The following PJA2 variants were observed in gnomAD, a reference collection of about 807,000 sequenced individuals.
PJA2 encodes E3 ubiquitin-protein ligase Praja-2.
PJA2 carries 25 observed loss-of-function variants against 69.3 expected under a neutral mutation model. The ratio of observed to expected loss-of-function variants is 0.36; its 90% CI spans 0.26 to 0.50. The LOEUF (loss-of-function observed/expected upper bound fraction) is 0.50, where lower values mean the gene tolerates loss of function less well. PJA2 is among the 20% of genes least tolerant of loss of function. The pLI is 0.96. For missense variants in PJA2, 809 were observed against 830.2 expected (o/e 0.97, Z 0.31); for synonymous variants, 308 against 277.8 (o/e 1.11, Z -1.08).
At chr5:109,357,162 C>T (rs1281344623) in intron 6 of PJA2, among the ~76,000 whole-genome samples, 1 of 152,136 alleles carries the variant, frequency 6.6e-6, no homozygotes, top group African/African-American at 2.4e-5. Context: ...TCTGGGGGCA[C>T]CCTGAGTAGA....
intron 4 of PJA2, among the ~76,000 whole-genome samples, chr5:109,372,213 T>C (rs1272933652): frequency 2.0e-5 from 3 of 152,148 alleles, no homozygotes; most frequent in African/African-American, 7.2e-5. Flanking sequence ...TAGTGACCTA[T>C]AGAATAAAAA....
chr5:109,392,261 T>C (rs181743726), intron 1 of PJA2, among the ~76,000 whole-genome samples: 157 of 151,874 alleles, frequency 1.0e-3, no homozygotes, highest in Non-Finnish European at 2.0e-3. Flanking sequence ...TGGAATAGGA[T>C]AGAAAAAGTG....
chr5:109,344,492 G>T (rs1762141396), intron 8 of PJA2, among the ~76,000 whole-genome samples, 181 bp from the exon 9 acceptor site: 1 of 152,168 alleles, frequency 6.6e-6, no homozygotes, highest in African/African-American at 2.4e-5. Flanking sequence ...ATACTGCTTT[G>T]TAAAAAAGCT....
intron 3 of PJA2, 93 bp downstream of exon 3, chr5:109,381,410 C>A: frequency 3.4e-6 from 3 of 893,164 alleles, no homozygotes; most frequent in Non-Finnish European, 5.2e-6. Flanking sequence ...CATTTACACT[C>A]ACAGACATGC....
At chr5:109,370,032 CAA>C (rs1168528650) in intron 4 of PJA2, among the ~76,000 whole-genome samples, 13 of 49,078 alleles carry the variant, frequency 2.6e-4, no homozygotes, top group East Asian at 6.3e-4. Flanking sequence ...AACTCCCTCT[CAA>C]AAAAAAAAAA....
rs755158440 is a variant in PJA2, at chr5:109,368,689, T to G, written c.1341A>C (p.Thr447=). 6.2e-7 allele frequency: 1 copy of G among 1,614,190 alleles called. No individual in the cohort carries two copies. The highest frequency in any genetic ancestry group is 8.5e-7 in the Non-Finnish European group (1 of 1,180,028). Residue 447 remains threonine (T), a synonymous_variant, in exon 5 of 10, where the codon ACA becomes ACC. Coordinates refer to ENST00000361189, the MANE Select transcript of PJA2 (RefSeq NM_014819.5). ...SASLPHRFSG[T]EKDQSSSDES... ...CATCACTTGAGGATTGATCTTTTTC[T>G]GTACCAGAAAATCGATGAGGCAAAG...
chr5:109,382,040 T>C (rs942341341), intron 2 of PJA2, among the ~76,000 whole-genome samples: 2 of 152,064 alleles, frequency 1.3e-5, no homozygotes, highest in African/African-American at 2.4e-5. Flanking sequence ...TTATGGGAGA[T>C]CTTCCAAATT....
At position 109,344,271 on chromosome 5, in the gene PJA2, C is replaced by T. The variant is rs1762137167; in HGVS notation, c.1920G>A (p.Glu640=). Residue 640 remains glutamate (E), a synonymous_variant, in exon 9 of 10, where the codon GAG becomes GAA. Coordinates refer to ENST00000361189, the MANE Select transcript of PJA2 (RefSeq NM_014819.5). ...QEQCCPICCS[E]YIKDDIATEL... ...CTGTTGCTATATCATCCTTAATATA[C>T]TCACTGCAACAGATTGGACAGCATT... 1.2e-6 allele frequency: 2 copies of T among 1,610,908 alleles called. No homozygotes were observed. Among genetic ancestry groups the T allele is most frequent in the African/African-American group, 1.3e-5 (1 of 74,922 alleles).
At chr5:109,399,317 C>T (rs926929889) in intron 1 of PJA2, among the ~76,000 whole-genome samples, 3 of 151,952 alleles carry the variant, frequency 2.0e-5, no homozygotes, top group Admixed American at 6.6e-5. Context: ...TTGTGTAACA[C>T]TGAGTACAGA....
intron 4 of PJA2, among the ~76,000 whole-genome samples, chr5:109,373,164 T>C (rs1582608876): frequency 6.6e-6 from 1 of 152,078 alleles, no homozygotes; most frequent in South Asian, 2.1e-4. Context: ...AGTGACAGAA[T>C]AGAGACAGTG....
Position 109,378,556 on chromosome 5 carries a change from CAGG to C in PJA2, c.928_930del (p.Pro310del), listed in dbSNP as rs767385404. Reference sequence around the variant, plus strand: ...CTAACTTTTGGCCTCACTACCTGTTCAGGAGAACTTCCATGGTTCTTTTCCCTA... The same window carrying C: ...CTAACTTTTGGCCTCACTACCTGTTCAGAACTTCCATGGTTCTTTTCCCTA... On this transcript the variant is annotated inframe_deletion, in exon 4 of 10. Coordinates refer to ENST00000361189, the MANE Select transcript of PJA2 (RefSeq NM_014819.5). 5.0e-6 allele frequency: 8 copies of C among 1,614,158 alleles called. No individual in the cohort carries two copies. Among genetic ancestry groups the C allele is most frequent in the South Asian group, 1.1e-5 (1 of 91,074 alleles).
At chr5:109,364,883 G>A (rs1223428418) in intron 5 of PJA2, among the ~76,000 whole-genome samples, 2 of 152,014 alleles carry the variant, frequency 1.3e-5, no homozygotes, top group African/African-American at 4.8e-5. Flanking sequence ...TATATAAAGA[G>A]ATGCTCTGCC....
At position 109,381,025 on chromosome 5, in the gene PJA2, G is replaced by C. The variant is rs140322783; in HGVS notation, c.232+478C>G. On this transcript the variant is annotated intron_variant, in intron 3 of 9. Transcript: ENST00000361189. ...AGCTACTAAGGAGGCTGAGGCACAA[G>C]AATTGTTTGAACCTGGGAGATGGAG... 8.6e-3 allele frequency among the ~76,000 whole-genome samples: 1,297 copies of C among 151,548 alleles called. 64 individuals are homozygous for C. Among genetic ancestry groups the C allele is most frequent in the Admixed American group, 0.07 (1,069 of 15,172 alleles).
chr5:109,388,050 C>T (rs1025151477), intron 1 of PJA2, among the ~76,000 whole-genome samples: 1 of 152,220 alleles, frequency 6.6e-6, no homozygotes, highest in Non-Finnish European at 1.5e-5. Flanking sequence ...TTAGAGCCCT[C>T]TCTTGTGACT....
intron 1 of PJA2, among the ~76,000 whole-genome samples, chr5:109,405,633 T>C (rs947600824): frequency 6.6e-6 from 1 of 152,172 alleles, no homozygotes; most frequent in African/African-American, 2.4e-5. Context: ...GTTAATTCAA[T>C]GGGGAAAGGA....
intron 1 of PJA2, among the ~76,000 whole-genome samples, chr5:109,397,494 T>C (rs545154547): frequency 1.3e-5 from 2 of 150,386 alleles, no homozygotes; most frequent in African/African-American, 4.9e-5. Context: ...CTTCTCCTAG[T>C]AGAAAAAAAA....
chr5:109,402,115 T>C (rs1275607724), intron 1 of PJA2, among the ~76,000 whole-genome samples: 2 of 152,052 alleles, frequency 1.3e-5, no homozygotes, highest in African/African-American at 4.8e-5. Flanking sequence ...AGAGGAAAAG[T>C]TGAGTGTAAG....
chr5:109,355,256 T>C (rs1209552562), intron 7 of PJA2, among the ~76,000 whole-genome samples: 1 of 152,224 alleles, frequency 6.6e-6, no homozygotes, highest in East Asian at 1.9e-4. Flanking sequence ...GTCATTTCTG[T>C]ACCTATATTT....
intron 9 of PJA2, among the ~76,000 whole-genome samples, chr5:109,340,876 G>A (rs1187061913): frequency 1.0e-5 from 1 of 99,420 alleles, no homozygotes; most frequent in African/African-American, 3.1e-5. Context: ...CCCTAACCGC[G>A]AGTGATCCGC....
Sources: allele counts gnomAD v4.1 joint callset (sites outside exome capture counted in the v4.1 genomes callset), GRCh38; gene constraint gnomAD v4.1.1; transcripts MANE v1.5; gene names NCBI Gene and HGNC (gene_info 2026-07-23, HGNC 2026-07-21).